The following MARCHF1 variants were observed in gnomAD, a reference collection of about 807,000 sequenced individuals.
MARCHF1 encodes the protein E3 ubiquitin-protein ligase MARCHF1.
MARCHF1 carries 40 observed loss-of-function variants against 54.2 expected under a neutral mutation model. The observed-to-expected ratio is 0.74, with a 90% CI of 0.57 to 0.96. The LOEUF (loss-of-function observed/expected upper bound fraction) is 0.96, where lower values mean the gene tolerates loss of function less well. Among genes scored for constraint, MARCHF1 ranks in the 40% least tolerant of loss-of-function variants. The pLI is 0.00. For synonymous variants in MARCHF1, 236 were observed against 236.3 expected (o/e 1.00, Z 0.01); for missense variants, 586 against 656.5 (o/e 0.89, Z 1.17).
chr4:164,079,527 G>A (rs1240566826), intron 2 of MARCHF1, among the ~76,000 whole-genome samples: 3 of 151,982 alleles, frequency 2.0e-5, no homozygotes, highest in Non-Finnish European at 4.4e-5. Flanking sequence ...ATTTAATAGA[G>A]TTCGTATACA....
At chr4:164,276,494 A>T (rs531060031) in intron 1 of MARCHF1, among the ~76,000 whole-genome samples, 7 of 151,976 alleles carry the variant, frequency 4.6e-5, no homozygotes, top group African/African-American at 1.7e-4. Flanking sequence ...ATGTGTGTAC[A>T]TGTGCACACA....
chr4:164,149,415 T>C lies in MARCHF1; in HGVS notation c.-322-37753A>G, dbSNP rs1401215182. On this transcript the variant is annotated intron_variant, in intron 1 of 9. Transcript: ENST00000514618. ...TAACACTTCAGAAATTATCAGAACATGGAATATATTGTTCAGAGAGTGGAG... is the reference window on the plus strand; with the variant it reads ...TAACACTTCAGAAATTATCAGAACACGGAATATATTGTTCAGAGAGTGGAG... Among the ~76,000 whole-genome samples the C allele has an allele frequency of 2.0e-5, 3 of 152,266 alleles. No individual in the cohort carries two copies. The East Asian group carries it at 5.8e-4, about 29-fold the overall frequency.
Position 164,363,553 on chromosome 4 carries a change from G to A in MARCHF1, c.-323+20317C>T, listed in dbSNP as rs373533546. 7.9e-5 allele frequency among the ~76,000 whole-genome samples: 12 copies of A among 152,192 alleles called. No individual in the cohort carries two copies. In the South Asian group the frequency reaches 8.3e-4, roughly 11 times the overall value. On this transcript the variant is annotated intron_variant, in intron 1 of 9. Transcript: ENST00000514618. ...CGAAAAGGCATCCACAGGACCCTACGAGTAGAAAAGCCAACAAAGTTCATC... is the reference window on the plus strand; with the variant it reads ...CGAAAAGGCATCCACAGGACCCTACAAGTAGAAAAGCCAACAAAGTTCATC...
chr4:163,581,528 C>T (rs1314847313), intron 8 of MARCHF1, among the ~76,000 whole-genome samples: 1 of 152,126 alleles, frequency 6.6e-6, no homozygotes, highest in Non-Finnish European at 1.5e-5. Flanking sequence ...GATAAGACAT[C>T]CGGATCATCA....
intron 7 of MARCHF1, among the ~76,000 whole-genome samples, chr4:163,601,899 T>C (rs892233728): frequency 2.0e-5 from 3 of 152,042 alleles, no homozygotes; most frequent in African/African-American, 4.8e-5. Flanking sequence ...ATCAATCCAA[T>C]TGGTTTCAGT....
At chr4:164,014,412 T>C (rs1753493566) in intron 2 of MARCHF1, among the ~76,000 whole-genome samples, 3 of 151,858 alleles carry the variant, frequency 2.0e-5, no homozygotes, top group Admixed American at 6.6e-5. Context: ...TACATAAAAA[T>C]AGAAAGCAAG....
chr4:164,122,632 C>G (rs1162948551), intron 1 of MARCHF1, among the ~76,000 whole-genome samples: 1 of 152,000 alleles, frequency 6.6e-6, no homozygotes, highest in African/African-American at 2.4e-5. Flanking sequence ...GCCCACCAGT[C>G]TTTTCTGCTG....
At chr4:163,572,985 G>A (rs1739891514) in intron 8 of MARCHF1, among the ~76,000 whole-genome samples, 1 of 152,050 alleles carries the variant, frequency 6.6e-6, no homozygotes, top group Non-Finnish European at 1.5e-5. Flanking sequence ...GTGTTCATGT[G>A]GGAAACAACA....
intron 5 of MARCHF1, among the ~76,000 whole-genome samples, chr4:163,640,593 A>G (rs887013693): frequency 1.2e-4 from 19 of 152,152 alleles, no homozygotes; most frequent in African/African-American, 4.1e-4. Flanking sequence ...GAAAAATTTT[A>G]AAGTATATCC....
chr4:163,668,661 T>C (rs146221839), intron 5 of MARCHF1, among the ~76,000 whole-genome samples: 8 of 152,238 alleles, frequency 5.3e-5, no homozygotes, highest in South Asian at 2.1e-4. Context: ...AGTAAAGAGC[T>C]GGGTGGTGAG....
intron 4 of MARCHF1, among the ~76,000 whole-genome samples, chr4:163,741,314 G>C (rs886427134): frequency 6.6e-6 from 1 of 152,124 alleles, no homozygotes; most frequent in African/African-American, 2.4e-5. Flanking sequence ...GCCGGGTGTG[G>C]TGGCTCAAGC....
chr4:164,144,000 A>C (rs1023092516), intron 1 of MARCHF1, among the ~76,000 whole-genome samples: 19 of 152,184 alleles, frequency 1.2e-4, no homozygotes, highest in African/African-American at 4.3e-4. Flanking sequence ...AATGGAAAAC[A>C]AAAAGGCAGG....
Position 163,877,461 on chromosome 4 carries a change from GT to G in MARCHF1, c.-38-23293del, listed in dbSNP as rs71600643. 1.8e-3 allele frequency among the ~76,000 whole-genome samples: 242 copies of G among 137,634 alleles called. 1 individual carries two copies. The highest frequency in any genetic ancestry group is 0.012 in the East Asian group (54 of 4,682). 90.3% of individuals were successfully genotyped at this position (137,634 alleles called of 152,430 possible). On this transcript the variant is annotated intron_variant, in intron 3 of 9. Transcript: ENST00000514618. ...TAGTTTGCACTTGGGTGTGGGCACT[GT>G]TTTTTTTTTTTTTTCTAATGAACAG...
At chr4:164,079,076 T>C (rs1755038210) in intron 2 of MARCHF1, among the ~76,000 whole-genome samples, 1 of 152,226 alleles carries the variant, frequency 6.6e-6, no homozygotes, top group Non-Finnish European at 1.5e-5. Flanking sequence ...TCTCCATTTA[T>C]GGCCTTTTGC....
chr4:164,026,169 G>A (rs944517423), intron 2 of MARCHF1, among the ~76,000 whole-genome samples: 1 of 152,044 alleles, frequency 6.6e-6, no homozygotes, highest in African/African-American at 2.4e-5. Context: ...AAGAAGACCT[G>A]GTACCAATTC....
Position 163,564,556 on chromosome 4 carries a change from A to G in MARCHF1, c.1192-18813T>C, listed in dbSNP as rs1224549799. Among the ~76,000 whole-genome samples, 7 of 152,198 alleles carry G rather than the reference A, an allele frequency of 4.6e-5. 1 individual carries two copies. The highest frequency in any genetic ancestry group is 1.0e-4 in the Non-Finnish European group (7 of 68,032). On this transcript the variant is annotated intron_variant, in intron 8 of 9. Transcript: ENST00000514618. ...AAATGTGGCTACCTTTTATGTAATC[A>G]GTTTCTGAACAAAAACTTAAGAGAA... is the stretch of plus-strand genomic sequence containing the variant.
At chr4:163,721,841 C>T (rs6816841) in intron 4 of MARCHF1, among the ~76,000 whole-genome samples, 69,507 of 151,796 alleles carry the variant, frequency 0.46, 16,062 homozygotes, top group Admixed American at 0.49. Flanking sequence ...TATTCTCTGA[C>T]GGGAATTTGT....
intron 8 of MARCHF1, among the ~76,000 whole-genome samples, chr4:163,550,301 GAAA>G (rs1739064637): frequency 7.8e-6 from 1 of 128,362 alleles, no homozygotes; most frequent in Non-Finnish European, 1.7e-5. Flanking sequence ...AAAAAAAAAA[GAAA>G]AGAAAAGAAA....
chr4:163,857,271 T>C (rs898493880), intron 3 of MARCHF1, among the ~76,000 whole-genome samples: 3 of 152,102 alleles, frequency 2.0e-5, no homozygotes, highest in Non-Finnish European at 4.4e-5. Flanking sequence ...TGCTACAATA[T>C]AGATTCTAAA....
Sources: allele counts gnomAD v4.1 joint callset (sites outside exome capture counted in the v4.1 genomes callset), GRCh38; gene constraint gnomAD v4.1.1; transcripts MANE v1.5; gene names NCBI Gene and HGNC (gene_info 2026-07-23, HGNC 2026-07-21).